Variants in ARHGAP12 observed in about 807,000 individuals in gnomAD.
The protein encoded by ARHGAP12 is rho GTPase-activating protein 12.
In ARHGAP12, 64 loss-of-function variants were observed where a neutral mutation model predicts 108.6. That is an observed-to-expected ratio of 0.59 (90% CI 0.48 to 0.73). The LOEUF (loss-of-function observed/expected upper bound fraction) is 0.73. ARHGAP12 is among the 30% of genes least tolerant of loss of function. The pLI is 0.00. For missense variants in ARHGAP12, 940 were observed against 1,005.9 expected, an observed-to-expected ratio of 0.93 and a Z score of 0.89; for synonymous variants, 312 against 337.2, an observed-to-expected ratio of 0.93 and a Z score of 0.82.
chr10:31,923,705 G>T (rs1490957086), intron 1 of ARHGAP12, among the ~76,000 whole-genome samples: 3 of 152,262 alleles, frequency 2.0e-5, no homozygotes. Context: ...GAGTCCATCT[G>T]CATAAAATTC....
intron 16 of ARHGAP12, 90 bp downstream of exon 16, chr10:31,810,559 C>G: frequency 1.1e-6 from 1 of 914,640 alleles, no homozygotes. Context: ...TTGCATCACT[C>G]AAAATCATAA....
At chr10:31,872,364 T>C (rs1837571929) in intron 3 of ARHGAP12, among the ~76,000 whole-genome samples, 1 of 152,120 alleles carries the variant, frequency 6.6e-6, no homozygotes, top group South Asian at 2.1e-4. Context: ...ATATTCCACA[T>C]ATACCTCAAA....
chr10:31,906,575 T>C (rs1236200980), intron 3 of ARHGAP12, among the ~76,000 whole-genome samples: 6 of 152,046 alleles, frequency 3.9e-5, no homozygotes, highest in Admixed American at 6.6e-5. Flanking sequence ...TATCTTCTCA[T>C]GAGAGCAGGG....
At chr10:31,833,612 T>C (rs892957581) in intron 9 of ARHGAP12, among the ~76,000 whole-genome samples, 6 of 152,262 alleles carry the variant, frequency 3.9e-5, no homozygotes, top group Middle Eastern at 3.4e-3. Flanking sequence ...AACTTGAACA[T>C]AAAGAACAAA....
In ARHGAP12 at chr10:31,860,843, G is replaced by A. The variant is rs145421475; in HGVS notation, c.948+552C>T. Among the ~76,000 whole-genome samples, 17 of 152,294 alleles carry A rather than the reference G, an allele frequency of 1.1e-4. No homozygotes were observed. The East Asian group carries it at 3.3e-3, about 29-fold the overall frequency. ...CGCCTGTAATCCTAGCACTTTGGGA[G>A]GCTGAGACAGGGGGACTGCTTGAAG... On this transcript the variant is annotated intron_variant, in intron 4 of 19. Coordinates refer to ENST00000344936, the MANE Select transcript of ARHGAP12 (RefSeq NM_018287.7).
At chr10:31,899,189 T>C (rs1032684948) in intron 3 of ARHGAP12, among the ~76,000 whole-genome samples, 2 of 152,172 alleles carry the variant, frequency 1.3e-5, no homozygotes, top group African/African-American at 2.4e-5. Context: ...AGTGGGGTGA[T>C]AGCTAAAGGT....
chr10:31,848,181 C>T (rs200336037), intron 6 of ARHGAP12, among the ~76,000 whole-genome samples: 8 of 152,096 alleles, frequency 5.3e-5, no homozygotes, highest in African/African-American at 1.9e-4. Flanking sequence ...ACTCAGTTAA[C>T]GACAGGACAA....
intron 9 of ARHGAP12, among the ~76,000 whole-genome samples, chr10:31,838,755 T>C (rs537202412): frequency 6.9e-6 from 1 of 144,586 alleles, no homozygotes; most frequent in East Asian, 2.1e-4. Context: ...CACTTGAACC[T>C]GGGAGGTGGA....
chr10:31,832,520 T>G (rs1394843147), intron 9 of ARHGAP12, among the ~76,000 whole-genome samples: 1 of 152,344 alleles, frequency 6.6e-6, no homozygotes, highest in Admixed American at 6.5e-5. Context: ...CAAGAAGCAC[T>G]TTCTCACTGC....
In ARHGAP12 at chr10:31,831,739, C is replaced by A; in HGVS notation, c.1448G>T (p.Arg483Leu). 1 of 1,569,370 alleles carries A rather than the reference C, an allele frequency of 6.4e-7. No homozygotes were observed. The stretch of plus-strand genomic sequence containing the variant: ...GAACATTAAAGACTTGTGTACTTAC[C>A]GAACCTTTTTCCCATTTTCAGCAAT... ...TKIAENGKKV[R>L]KNWLSSWAVL... Residue 483 changes from arginine to leucine, a missense_variant and splice_region_variant, in exon 10 of 20, where the codon CGA becomes CTA. Physicochemically the swap from Arg to Leu is moderately radical, Grantham distance 102 (BLOSUM62 -2). Coordinates refer to ENST00000344936, the MANE Select transcript of ARHGAP12 (RefSeq NM_018287.7).
intron 4 of ARHGAP12, 74 bp from the exon 5 acceptor site, chr10:31,854,280 A>C (rs2808090): frequency 0.49 from 645,297 of 1,310,672 alleles, 161,264 homozygotes; most frequent in Middle Eastern, 0.55. Flanking sequence ...TCTAATAAAT[A>C]AATTTTACTT....
At chr10:31,825,701 A>C (rs1286039006) in intron 11 of ARHGAP12, among the ~76,000 whole-genome samples, 1 of 152,206 alleles carries the variant, frequency 6.6e-6, no homozygotes, top group African/African-American at 2.4e-5. Flanking sequence ...ATACAGAATG[A>C]GCATTCAAAA....
chr10:31,910,714 G>A (rs373383973), intron 1 of ARHGAP12, among the ~76,000 whole-genome samples, 151 bp from the exon 2 acceptor site: 2 of 152,128 alleles, frequency 1.3e-5, no homozygotes, highest in Non-Finnish European at 2.9e-5. Context: ...GGTCAGCACC[G>A]CCCTCCAAAT....
At chr10:31,827,810 C>CA (rs930183686) in intron 10 of ARHGAP12, among the ~76,000 whole-genome samples, 100 of 142,708 alleles carry the variant, frequency 7.0e-4, no homozygotes, top group Admixed American at 1.5e-3. Flanking sequence ...AAAACAAAAA[C>CA]AAAAAAAAAA....
At chr10:31,858,393 G>A (rs1435841279) in intron 4 of ARHGAP12, among the ~76,000 whole-genome samples, 2 of 152,164 alleles carry the variant, frequency 1.3e-5, no homozygotes, top group African/African-American at 2.4e-5. Context: ...CAAGAAGACA[G>A]TGATTAACTT....
intron 3 of ARHGAP12, among the ~76,000 whole-genome samples, chr10:31,875,374 A>G (rs2132347597): frequency 6.6e-6 from 1 of 152,304 alleles, no homozygotes; most frequent in South Asian, 2.1e-4. Context: ...AAGATCACAG[A>G]TATTTTGGGT....
chr10:31,919,739 C>T (rs1409893047), intron 1 of ARHGAP12, among the ~76,000 whole-genome samples: 16 of 151,070 alleles, frequency 1.1e-4, no homozygotes, highest in Admixed American at 4.0e-4. Flanking sequence ...TCCAGTGAGC[C>T]GAGATCGCAC....
At chr10:31,869,365 T>A (rs1257474965) in intron 3 of ARHGAP12, among the ~76,000 whole-genome samples, 1 of 152,046 alleles carries the variant, frequency 6.6e-6, no homozygotes, top group Non-Finnish European at 1.5e-5. Flanking sequence ...GCTGAAACCC[T>A]GTCTCCACTA....
rs1321715445 is a variant in ARHGAP12 at position 31,881,945 on chromosome 10, C to T, written c.685-20287G>A. Among the ~76,000 whole-genome samples the T allele has an allele frequency of 1.8e-3, 268 of 145,840 alleles. 2 individuals carry two copies. The highest frequency in any genetic ancestry group is 6.6e-3 in the African/African-American group (256 of 38,844). ...TTTTTTTTTTTTTGAGACGGAGTCTCGCTCTGTCGCCCAGGCTGGAGTGCA... is the reference window on the plus strand; with the variant it reads ...TTTTTTTTTTTTTGAGACGGAGTCTTGCTCTGTCGCCCAGGCTGGAGTGCA... On this transcript the variant is annotated intron_variant, in intron 3 of 19. Transcript: ENST00000344936.
Sources: allele counts gnomAD v4.1 joint callset (sites outside exome capture counted in the v4.1 genomes callset), GRCh38; gene constraint gnomAD v4.1.1; transcripts MANE v1.5; gene names NCBI Gene and HGNC (gene_info 2026-07-23, HGNC 2026-07-21).